TENM2: variants seen among roughly 807,000 people sequenced by gnomAD.
TENM2 encodes the protein teneurin-2.
In TENM2, 52 loss-of-function variants were observed where a neutral mutation model predicts 245.2. That is an observed-to-expected ratio of 0.21 (90% confidence interval 0.17 to 0.27). The LOEUF is 0.27. TENM2 is among the 10% of genes least tolerant of loss of function. TENM2 has a pLI of 1.00. For synonymous variants in TENM2, 1,363 were observed against 1,438.9 expected (o/e 0.95, Z 1.19); for missense variants, 3,046 against 3,666.8 (o/e 0.83, Z 4.37).
chr5:167,759,823 A>G (rs1762544205), intron 2 of TENM2, among the ~76,000 whole-genome samples: 2 of 152,192 alleles, frequency 1.3e-5, no homozygotes. Flanking sequence ...ATTATGCAAG[A>G]GCTAGTTTAC....
chr5:168,217,483 C>T (rs557976700), intron 22 of TENM2, among the ~76,000 whole-genome samples: 6 of 152,338 alleles, frequency 3.9e-5, no homozygotes, highest in African/African-American at 1.2e-4. Flanking sequence ...CTTTCTATAA[C>T]GGCCTTTTCA....
chr5:168,192,123 G>T (rs1761014593), intron 14 of TENM2, among the ~76,000 whole-genome samples: 1 of 152,156 alleles, frequency 6.6e-6, no homozygotes, highest in Admixed American at 6.5e-5. Context: ...ATAAAATTAG[G>T]ATAACACTAT....
the TENM2 span, among the ~76,000 whole-genome samples, chr5:167,154,576 A>C: frequency 6.6e-6 from 1 of 152,232 alleles, no homozygotes; most frequent in Non-Finnish European, 1.5e-5. Flanking sequence ...AGGACAGATG[A>C]CATGATGTTT....
chr5:167,164,517 A>G, the TENM2 span, among the ~76,000 whole-genome samples: 3 of 152,228 alleles, frequency 2.0e-5, no homozygotes, highest in African/African-American at 7.2e-5. Flanking sequence ...TGGGAACATT[A>G]TAAGTATTTA....
the TENM2 span, among the ~76,000 whole-genome samples, chr5:166,979,519 T>G: frequency 6.6e-6 from 1 of 152,184 alleles, no homozygotes; most frequent in African/African-American, 2.4e-5. Context: ...CTGACCGAGC[T>G]GCTGGTAAAT....
chr5:167,427,516 AAGGG>A (rs1391685354), intron 2 of TENM2, among the ~76,000 whole-genome samples: 1 of 146,880 alleles, frequency 6.8e-6, no homozygotes, highest in Non-Finnish European at 1.5e-5. Flanking sequence ...GAAGGGAAGG[AAGGG>A]AGGGAGGGAA....
At chr5:167,036,140 A>G in the TENM2 span, among the ~76,000 whole-genome samples, 1 of 152,230 alleles carries the variant, frequency 6.6e-6, no homozygotes, top group Non-Finnish European at 1.5e-5. Flanking sequence ...ATGATCATTC[A>G]GAAGGCTCTC....
At chr5:167,020,794 T>A in the TENM2 span, among the ~76,000 whole-genome samples, 1 of 152,134 alleles carries the variant, frequency 6.6e-6, no homozygotes, top group Non-Finnish European at 1.5e-5. Flanking sequence ...GCCTTATTAA[T>A]TGCAAAAAGA....
chr5:167,850,121 C>T (rs114441537), intron 2 of TENM2, among the ~76,000 whole-genome samples: 1 of 152,126 alleles, frequency 6.6e-6, no homozygotes. Flanking sequence ...ATCAAGATGA[C>T]CCCAGCCACC....
intron 7 of TENM2, among the ~76,000 whole-genome samples, chr5:168,070,498 T>C (rs915914167): frequency 2.6e-5 from 4 of 151,788 alleles, no homozygotes; most frequent in African/African-American, 9.7e-5. Context: ...AAGTAAACTT[T>C]AGGCCAGCTG....
chr5:167,902,931 G>A (rs1409652511), intron 3 of TENM2, among the ~76,000 whole-genome samples: 2 of 152,188 alleles, frequency 1.3e-5, no homozygotes, highest in Non-Finnish European at 2.9e-5. Context: ...GGAAAAGGCA[G>A]TTCAAATGGT....
At chr5:167,068,983 C>A in the TENM2 span, among the ~76,000 whole-genome samples, 1 of 152,168 alleles carries the variant, frequency 6.6e-6, no homozygotes, top group Non-Finnish European at 1.5e-5. Context: ...CGTTTGAACT[C>A]GTCATTTCAT....
In TENM2 at chr5:167,332,444, C is replaced by T. The variant is rs539059274; in HGVS notation, c.227-42754C>T. On this transcript the variant is annotated intron_variant, in intron 1 of 28. Transcript: ENST00000518659. The stretch of plus-strand genomic sequence containing the variant: ...ATGAGGGTTTCTTTGCTGGTAACTG[C>T]ACCCGCCTCAACAGAAACAGGCTTT... Among the ~76,000 whole-genome samples the T allele has an allele frequency of 4.6e-5, 7 of 152,238 alleles. No homozygotes were observed. The South Asian group carries it at 1.2e-3, about 27-fold the overall frequency.
the TENM2 span, among the ~76,000 whole-genome samples, chr5:166,995,884 T>A: frequency 1.2e-4 from 17 of 147,648 alleles, no homozygotes; most frequent in African/African-American, 4.0e-4. Flanking sequence ...ACAAATAAGA[T>A]GGACAGACAT....
chr5:167,592,381 AC>A (rs1472076178), intron 2 of TENM2, among the ~76,000 whole-genome samples: 1 of 151,882 alleles, frequency 6.6e-6, no homozygotes, highest in Admixed American at 6.6e-5. Flanking sequence ...ATGTTGGTAA[AC>A]CCCTTTATTA....
chr5:167,128,466 A>T, the TENM2 span, among the ~76,000 whole-genome samples: 1 of 152,030 alleles, frequency 6.6e-6, no homozygotes, highest in Non-Finnish European at 1.5e-5. Context: ...TCAGAAGTTT[A>T]CATTTTCAAC....
At chr5:168,130,877 G>A (rs929356126) in intron 12 of TENM2, among the ~76,000 whole-genome samples, 7 of 152,070 alleles carry the variant, frequency 4.6e-5, no homozygotes, top group South Asian at 2.1e-4. Flanking sequence ...GTGACAGAGC[G>A]AGATCCTGTC....
intron 1 of TENM2, among the ~76,000 whole-genome samples, chr5:167,313,716 A>G (rs1471472807): frequency 6.6e-6 from 1 of 152,218 alleles, no homozygotes; most frequent in Non-Finnish European, 1.5e-5. Flanking sequence ...CCCTTCTCCC[A>G]TCATTCACTC....
chr5:166,996,754 C>A, the TENM2 span, among the ~76,000 whole-genome samples: 1 of 152,194 alleles, frequency 6.6e-6, no homozygotes, highest in African/African-American at 2.4e-5. Flanking sequence ...TGAAGAGATG[C>A]TATTCCTTAT....
Sources: allele counts gnomAD v4.1 joint callset (sites outside exome capture counted in the v4.1 genomes callset), GRCh38; gene constraint gnomAD v4.1.1; transcripts MANE v1.5; gene names NCBI Gene and HGNC (gene_info 2026-07-23, HGNC 2026-07-21).